The following NKAIN2 variants were observed in gnomAD, a reference collection of about 807,000 sequenced individuals.
NKAIN2 encodes sodium/potassium-transporting ATPase subunit beta-1-interacting protein 2.
In NKAIN2, 14 loss-of-function variants were observed where a neutral mutation model predicts 32.6. The ratio of observed to expected loss-of-function variants is 0.43; its 90% confidence interval spans 0.28 to 0.67. The LOEUF is 0.67. NKAIN2 is among the 30% of genes least tolerant of loss of function. The pLI, the probability that NKAIN2 is intolerant of heterozygous loss-of-function variation, is 0.17. For synonymous variants in NKAIN2, 80 were observed against 87.2 expected (o/e 0.92, Z 0.46); for missense variants, 198 against 258.3 (o/e 0.77, Z 1.60).
chr6:123,907,485 C>T (rs1407936225), intron 1 of NKAIN2, among the ~76,000 whole-genome samples: 3 of 152,130 alleles, frequency 2.0e-5, no homozygotes, highest in Non-Finnish European at 4.4e-5. Flanking sequence ...CAGACAGACT[C>T]ATGATTTCCC....
chr6:124,026,619 T>C (rs1280720984), intron 1 of NKAIN2, among the ~76,000 whole-genome samples: 1 of 152,212 alleles, frequency 6.6e-6, no homozygotes, highest in Non-Finnish European at 1.5e-5. Context: ...TCATCAATCA[T>C]TGCTTTCTTT....
At chr6:123,968,081 C>G (rs983342090) in intron 1 of NKAIN2, among the ~76,000 whole-genome samples, 6 of 152,182 alleles carry the variant, frequency 3.9e-5, no homozygotes, top group African/African-American at 1.4e-4. Context: ...AGCTGGAAAG[C>G]GCAGCCACTT....
intron 1 of NKAIN2, among the ~76,000 whole-genome samples, chr6:123,965,594 CAAACT>C (rs966154056): frequency 1.8e-4 from 27 of 152,132 alleles, no homozygotes; most frequent in African/African-American, 6.3e-4. Context: ...GCGATCTAAC[CAAACT>C]AGACTACTGC....
intron 3 of NKAIN2, among the ~76,000 whole-genome samples, chr6:124,576,052 G>A (rs1781321380): frequency 6.6e-6 from 1 of 152,072 alleles, no homozygotes; most frequent in African/African-American, 2.4e-5. Context: ...TCACATGAAG[G>A]AAAAAGAAAG....
intron 4 of NKAIN2, among the ~76,000 whole-genome samples, chr6:124,740,447 CGTGTGTGTGTGTGT>C (rs56154164): frequency 4.9e-5 from 7 of 143,754 alleles, no homozygotes; most frequent in African/African-American, 1.8e-4. Flanking sequence ...CACATATACA[CGTGTGTGTGTGTGT>C]GTGTGTGTGT....
At chr6:124,361,297 A>G (rs1369273191) in intron 3 of NKAIN2, among the ~76,000 whole-genome samples, 1 of 152,114 alleles carries the variant, frequency 6.6e-6, no homozygotes, top group African/African-American at 2.4e-5. Flanking sequence ...TGATAAAATT[A>G]TAAATTACTC....
intron 1 of NKAIN2, among the ~76,000 whole-genome samples, chr6:124,218,971 G>A (rs969292037): frequency 1.3e-5 from 2 of 152,154 alleles, no homozygotes; most frequent in Non-Finnish European, 2.9e-5. Context: ...AGAGAAGCAA[G>A]GCACCTTCTT....
chr6:124,523,642 A>T (rs973904449), intron 3 of NKAIN2, among the ~76,000 whole-genome samples: 1 of 152,144 alleles, frequency 6.6e-6, no homozygotes, highest in Non-Finnish European at 1.5e-5. Context: ...GACGTATGAA[A>T]GGGAGACTAC....
chr6:124,221,593 T>G (rs1261228385), intron 1 of NKAIN2, among the ~76,000 whole-genome samples: 1 of 151,946 alleles, frequency 6.6e-6, no homozygotes, highest in East Asian at 1.9e-4. Context: ...AAACGATAAT[T>G]AAGGTAGAAT....
intron 5 of NKAIN2, among the ~76,000 whole-genome samples, chr6:124,800,426 C>T (rs1267757555): frequency 6.6e-6 from 1 of 152,172 alleles, no homozygotes; most frequent in Non-Finnish European, 1.5e-5. Flanking sequence ...TTAAATGAGG[C>T]TGCTCTGGCA....
intron 3 of NKAIN2, among the ~76,000 whole-genome samples, chr6:124,423,297 G>A (rs1425625943): frequency 2.0e-5 from 3 of 152,192 alleles, no homozygotes; most frequent in Admixed American, 1.3e-4. Flanking sequence ...AGTGAGAAAA[G>A]CAAGGGCTTT....
intron 1 of NKAIN2, among the ~76,000 whole-genome samples, chr6:124,068,138 G>T (rs2114872894): frequency 6.6e-6 from 1 of 152,172 alleles, no homozygotes; most frequent in South Asian, 2.1e-4. Context: ...TAAGCAGTCT[G>T]GTTCCACTAC....
At chr6:124,473,519 T>C (rs1214293165) in intron 3 of NKAIN2, among the ~76,000 whole-genome samples, 3 of 152,214 alleles carry the variant, frequency 2.0e-5, no homozygotes, top group African/African-American at 7.2e-5. Context: ...TTGAGGTTTA[T>C]GTAGGCAAAG....
chr6:124,343,378 T>C (rs1798233221), intron 2 of NKAIN2, among the ~76,000 whole-genome samples: 2 of 150,648 alleles, frequency 1.3e-5, no homozygotes, highest in Non-Finnish European at 3.0e-5. Context: ...ATGGTATTTC[T>C]AGTTCTAGAT....
intron 1 of NKAIN2, among the ~76,000 whole-genome samples, chr6:124,259,876 T>G (rs966445565): frequency 6.6e-6 from 1 of 152,196 alleles, no homozygotes; most frequent in Admixed American, 6.5e-5. Context: ...TAGAGTGTTA[T>G]GGGGCCATTC....
At chr6:124,347,324 C>G (rs9491132) in intron 2 of NKAIN2, among the ~76,000 whole-genome samples, 68,546 of 150,668 alleles carry the variant, frequency 0.45, 15,596 homozygotes, top group South Asian at 0.54. Context: ...TGGAGTTGCT[C>G]TTCTCGAGGA....
At chr6:123,921,458 A>G (rs954534170) in intron 1 of NKAIN2, among the ~76,000 whole-genome samples, 1 of 152,218 alleles carries the variant, frequency 6.6e-6, no homozygotes, top group Admixed American at 6.5e-5. Flanking sequence ...ACGAGTACCT[A>G]TAACGTATTA....
chr6:124,792,720 T>C (rs1219696792), intron 5 of NKAIN2, among the ~76,000 whole-genome samples: 2 of 152,102 alleles, frequency 1.3e-5, no homozygotes, highest in African/African-American at 4.8e-5. Flanking sequence ...GTAGCTGATA[T>C]GGAAGTGAGG....
intron 1 of NKAIN2, among the ~76,000 whole-genome samples, chr6:124,034,762 T>TC (rs1781538644): frequency 6.6e-6 from 1 of 152,044 alleles, no homozygotes; most frequent in African/African-American, 2.4e-5. Flanking sequence ...CCCATTTTTT[T>TC]CACATCCTCA....
Sources: gnomAD v4.1 joint callset for allele counts (sites outside exome capture counted in the v4.1 genomes callset) on GRCh38, gnomAD v4.1.1 for gene constraint, MANE v1.5 for transcripts, NCBI Gene and HGNC (gene_info 2026-07-23, HGNC 2026-07-21) for gene names.